The following STKLD1 variants were observed in gnomAD, a reference collection of about 807,000 sequenced individuals.
The protein encoded by STKLD1 is serine/threonine kinase like domain containing 1.
Under a neutral mutation model 80.4 loss-of-function variants are expected in STKLD1, and 79 were observed. The observed-to-expected ratio is 0.98, with a 90% CI of 0.82 to 1.19. The LOEUF (loss-of-function observed/expected upper bound fraction) is 1.19, where lower values mean the gene tolerates loss of function less well. Ranked by LOEUF, STKLD1 falls within the 50% of genes most tolerant of loss-of-function variation. The pLI, the probability that STKLD1 is intolerant of heterozygous loss-of-function variation, is 0.00. For synonymous variants in STKLD1, 393 were observed against 357.6 expected, an observed-to-expected ratio of 1.10 and a Z score of -1.12; for missense variants, 841 against 856.0, an observed-to-expected ratio of 0.98 and a Z score of 0.22.
chr9:133,403,145 C>G (rs1838754102), intron 14 of STKLD1, 133 bp downstream of exon 14: 2 of 963,454 alleles, frequency 2.1e-6, no homozygotes, highest in Non-Finnish European at 2.9e-6. Flanking sequence ...CCGGGAAAGG[C>G]TCTTCTGAGA....
chr9:133,398,098 G>A, intron 11 of STKLD1, 43 bp downstream of exon 11: 1 of 1,589,734 alleles, frequency 6.3e-7, no homozygotes, highest in South Asian at 1.1e-5. Flanking sequence ...CTCCCCTAGG[G>A]GCAGAAGCTA....
At chr9:133,391,137 G>T (rs2130288118) in intron 7 of STKLD1, among the ~76,000 whole-genome samples, 1 of 118,378 alleles carries the variant, frequency 8.4e-6, no homozygotes, top group African/African-American at 3.9e-5. Flanking sequence ...GGAGGGAGGT[G>T]GGGGGGGTCA....
At chr9:133,396,338 G>A (rs958162852) in intron 9 of STKLD1, among the ~76,000 whole-genome samples, 1 of 152,224 alleles carries the variant, frequency 6.6e-6, no homozygotes, top group African/African-American at 2.4e-5. Context: ...GGGAGGCTGA[G>A]GCAGGAGGAT....
intron 9 of STKLD1, 25 bp downstream of exon 9, chr9:133,395,788 T>A: frequency 1.2e-6 from 2 of 1,609,486 alleles, no homozygotes; most frequent in South Asian, 2.2e-5. Context: ...GGGGTTTATT[T>A]TAACCTGTGG....
At chr9:133,388,736 C>G (rs1838318965) in intron 5 of STKLD1, 1 of 985,240 alleles carries the variant, frequency 1.0e-6, no homozygotes, top group African/African-American at 1.7e-5. Flanking sequence ...TTAGATCTTT[C>G]ATCTACCCCA....
At chr9:133,401,427 C>T (rs782295949) in intron 12 of STKLD1, among the ~76,000 whole-genome samples, 16 of 152,126 alleles carry the variant, frequency 1.1e-4, no homozygotes, top group Non-Finnish European at 1.8e-4. Context: ...TGAGCCACCG[C>T]GCGCGGCCAC....
At position 133,383,850 on chromosome 9, in the gene STKLD1, T is replaced by C. The variant is rs2130271131; in HGVS notation, c.175-6T>C. 2 of 1,613,836 alleles carry C rather than the reference T, an allele frequency of 1.2e-6. No homozygotes were observed. Among genetic ancestry groups the C allele is most frequent in the Non-Finnish European group, 1.7e-6 (2 of 1,179,802 alleles). The stretch of plus-strand genomic sequence containing the variant: ...TTATTAAGCTCATGCTCTTGTGCCC[T>C]TGCAGGTGGAATGCATGGATGACCA... On this transcript the variant is annotated splice_polypyrimidine_tract_variant and splice_region_variant and intron_variant, in intron 2 of 17. Transcript: ENST00000371957.
chr9:133,402,231 C>A (rs1554777823), intron 13 of STKLD1, among the ~76,000 whole-genome samples: 1 of 152,140 alleles, frequency 6.6e-6, no homozygotes, highest in Non-Finnish European at 1.5e-5. Flanking sequence ...GCCCAGTGGG[C>A]TTCCGAAGCC....
chr9:133,397,889 C>A (rs1554776958), intron 10 of STKLD1, 83 bp from the exon 11 acceptor site: 28 of 1,128,606 alleles, frequency 2.5e-5, no homozygotes, highest in Non-Finnish European at 1.3e-6. Flanking sequence ...CACACAGCAG[C>A]CAGCCCAGTG....
At position 133,394,450 on chromosome 9, in the gene STKLD1, C is replaced by T; in HGVS notation, c.702+41C>T. 1 of 1,450,392 alleles carries T rather than the reference C, an allele frequency of 6.9e-7. No homozygotes were observed. The highest frequency in any genetic ancestry group is 9.7e-7 in the Non-Finnish European group (1 of 1,031,932). 89.8% of individuals were successfully genotyped at this position (1,450,392 alleles called of 1,614,324 possible). ...TCCCCCACACCCCACATGCTGTTCC[C>T]CACGCGCCCAGGCCTGGGGAAAAGG... On this transcript the variant is annotated intron_variant, in intron 8 of 17. Transcript: ENST00000371957. The surrounding 1 kb of genome is among the most constrained non-coding windows in gnomAD (Gnocchi z 4.9).
intron 1 of STKLD1, among the ~76,000 whole-genome samples, chr9:133,377,730 A>C (rs1314358120): frequency 6.6e-6 from 1 of 152,016 alleles, no homozygotes; most frequent in African/African-American, 2.4e-5. Flanking sequence ...GTGGAAGACA[A>C]TTTTTCCACA....
At position 133,376,495 on chromosome 9, in the gene STKLD1, C is replaced by A. The variant is rs1339552371; in HGVS notation, c.22C>A (p.Arg8Ser). Reference protein sequence around the residue: MLGPGSNRRRPTQGERGP... With the variant: MLGPGSNSRRPTQGERGP... ...GATCATGCTTGGGCCAGGGTCCAAT[C>A]GCAGGCGCCCCACGCAGGGGGAGCG... The change falls in exon 1 of 18, where the codon CGC (arginine) becomes AGC (serine). Residue 8 changes from arginine to serine, a missense_variant. Coordinates refer to ENST00000371957, the MANE Select transcript of STKLD1 (RefSeq NM_153710.5). The A allele has an allele frequency of 1.3e-6, 2 of 1,596,102 alleles. No homozygotes were observed. Among genetic ancestry groups the A allele is most frequent in the African/African-American group, 1.3e-5 (1 of 74,370 alleles).
At position 133,404,011 on chromosome 9, in the gene STKLD1, T is replaced by C. The variant is rs370684243; in HGVS notation, c.1695T>C (p.Asn565=). The stretch of plus-strand genomic sequence containing the variant: ...AGGACAGAGCCCTGCTGGTGAACAA[T>C]GCCTACCGGGGACTGGCCAGCCTGG... The part of the protein sequence containing the change: ...LCQDRALLVN[N]AYRGLASLVK... Residue 565 remains asparagine (N), a synonymous_variant, in exon 16 of 18, where the codon AAT becomes AAC. Coordinates refer to ENST00000371957, the MANE Select transcript of STKLD1 (RefSeq NM_153710.5). 16 of 1,611,546 alleles carry C rather than the reference T, an allele frequency of 9.9e-6. No individual in the cohort carries two copies. Among genetic ancestry groups the C allele is most frequent in the Non-Finnish European group, 1.4e-5 (16 of 1,179,254 alleles).
chr9:133,388,341 C>T (rs2130282160), intron 5 of STKLD1, among the ~76,000 whole-genome samples: 3 of 152,072 alleles, frequency 2.0e-5, no homozygotes, highest in Non-Finnish European at 4.4e-5. Flanking sequence ...CTTCGCCTCC[C>T]TGTTCAAGCG....
Position 133,390,365 on chromosome 9 carries a change from A to G in STKLD1, c.468-316A>G, listed in dbSNP as rs2130286411. On this transcript the variant is annotated intron_variant, in intron 6 of 17. Coordinates refer to ENST00000371957, the MANE Select transcript of STKLD1 (RefSeq NM_153710.5). This position sits in a 1 kb window ranked among gnomAD's most constrained non-coding sequence, Gnocchi z 5.1. ...CCCCAGGCAAACGTGTAGCTGAGAT[A>G]TCTAAGGAGGTGAATGTGTCAATTA... is the stretch of plus-strand genomic sequence containing the variant. Among the ~76,000 whole-genome samples, 7,282 of 152,296 alleles carry G rather than the reference A, an allele frequency of 0.048. 582 individuals are homozygous for G. Among genetic ancestry groups the G allele is most frequent in the African/African-American group, 0.16 (6,725 of 41,520 alleles).
chr9:133,382,925 A>G (rs2119209183), intron 2 of STKLD1, among the ~76,000 whole-genome samples: 1 of 118,554 alleles, frequency 8.4e-6, no homozygotes, highest in African/African-American at 3.3e-5. Context: ...TGATGGGGAT[A>G]ATAGTGGTGG....
At chr9:133,395,190 CCCTT>C (rs1838527798) in intron 8 of STKLD1, among the ~76,000 whole-genome samples, 1 of 152,178 alleles carries the variant, frequency 6.6e-6, no homozygotes, top group Non-Finnish European at 1.5e-5. Context: ...CCTTGCCACT[CCCTT>C]CCTTTGAAAG....
chr9:133,404,888 TGGA>T lies in STKLD1; in HGVS notation c.1834_1836del (p.Glu612del), dbSNP rs1564386921. Reference sequence around the variant, plus strand: ...CTCCACAGGGACGACCCGGAGGTGGTGGAGAACGTGGGCATGCTGCTGGTCCAC... The same window carrying T: ...CTCCACAGGGACGACCCGGAGGTGGTGAACGTGGGCATGCTGCTGGTCCAC... On this transcript the variant is annotated inframe_deletion, in exon 17 of 18. Transcript: ENST00000371957. The T allele has an allele frequency of 4.3e-6, 7 of 1,613,118 alleles. No individual in the cohort carries two copies. The highest frequency in any genetic ancestry group is 2.2e-5 in the South Asian group (2 of 91,072).
At position 133,386,010 on chromosome 9, in the gene STKLD1, C is replaced by T. The variant is rs2130276383; in HGVS notation, c.294+319C>T. Among the ~76,000 whole-genome samples, 21 of 152,198 alleles carry T rather than the reference C, an allele frequency of 1.4e-4. No homozygotes were observed. In the East Asian group the frequency reaches 3.7e-3, roughly 27 times the overall value. On this transcript the variant is annotated intron_variant, in intron 4 of 17. Transcript: ENST00000371957. ...CTTGGCTCACTGCAACCTCTGCCTC[C>T]CGGGTTCAAGAGATTTTCTTGCCTC...
Sources: gnomAD v4.1 joint callset for allele counts (sites outside exome capture counted in the v4.1 genomes callset) on GRCh38, gnomAD v4.1.1 for gene constraint, Gnocchi (gnomAD v3.1) non-coding constraint, MANE v1.5 for transcripts, NCBI Gene and HGNC (gene_info 2026-07-23, HGNC 2026-07-21) for gene names.